The following PCDHA1 variants were observed in gnomAD, a reference collection of about 807,000 sequenced individuals.
PCDHA1 encodes the protein protocadherin alpha 1, also known as protocadherin alpha-1.
PCDHA1 carries 42 observed loss-of-function variants against 61.3 expected under a neutral mutation model. That is an observed-to-expected ratio of 0.69 (90% CI 0.54 to 0.89). The LOEUF is 0.89. PCDHA1 is among the 40% of genes least tolerant of loss of function. The pLI, the probability that PCDHA1 is intolerant of heterozygous loss-of-function variation, is 0.00. For synonymous variants in PCDHA1, 610 were observed against 553.8 expected, an observed-to-expected ratio of 1.10 and a Z score of -1.43; for missense variants, 1,256 against 1,235.3, an observed-to-expected ratio of 1.02 and a Z score of -0.25.
chr5:140,875,724 G>T, intron 1 of PCDHA1: 1 of 1,614,244 alleles, frequency 6.2e-7, no homozygotes, highest in Non-Finnish European at 8.5e-7. Flanking sequence ...ATGGCATTTT[G>T]TTTGTGAATT....
chr5:140,835,970 G>A, intron 1 of PCDHA1: 1 of 1,613,320 alleles, frequency 6.2e-7, no homozygotes, highest in Non-Finnish European at 8.5e-7. Flanking sequence ...AGGAGCTGGA[G>A]CTGTTGCAGT....
chr5:140,795,908 C>G, intron 1 of PCDHA1: 2 of 1,613,940 alleles, frequency 1.2e-6, no homozygotes, highest in Non-Finnish European at 1.7e-6. Flanking sequence ...GAAGCAAAGT[C>G]CTACGAGATT....
rs73266040 is a variant in PCDHA1 at position 140,926,675 on chromosome 5, C to G, written c.2395-52274C>G. 1.5e-3 allele frequency: 923 copies of G among 601,544 alleles called. 7 individuals carry two copies. The African/African-American group carries it at 0.016, about 11-fold the overall frequency. The allele number at this position is 601,544 out of a possible 1,614,324, so 37.3% of individuals were successfully genotyped here. ...TCCGCTTTCCCAGACGGCTGCCCAG[C>G]CTCCAGCCTAGCAAGCCCGGCTCCC... On this transcript the variant is annotated intron_variant, in intron 1 of 3. Coordinates refer to ENST00000504120, the MANE Select transcript of PCDHA1 (RefSeq NM_018900.4).
rs1335716065 is a variant in PCDHA1 at position 140,875,555 on chromosome 5, G to A, written c.2394+86871G>A. On this transcript the variant is annotated intron_variant, in intron 1 of 3. Coordinates refer to ENST00000504120, the MANE Select transcript of PCDHA1 (RefSeq NM_018900.4). ...CTCCTTGCAGCCTGGGAGGTGGGGA[G>A]CGGCCAGCTCCACTACTCCGTCTAC... is the stretch of plus-strand genomic sequence containing the variant. 5 of 1,614,018 alleles carry A rather than the reference G, an allele frequency of 3.1e-6. No individual in the cohort carries two copies. In the East Asian group the frequency reaches 6.7e-5, roughly 22 times the overall value.
intron 1 of PCDHA1, among the ~76,000 whole-genome samples, chr5:140,909,754 G>T (rs2074670000): frequency 6.6e-6 from 1 of 152,100 alleles, no homozygotes; most frequent in Non-Finnish European, 1.5e-5. Context: ...AATGACCACA[G>T]GATGAGTCCA....
rs2150326977 is a variant in PCDHA1, at chr5:140,841,986, T to C, written c.2394+53302T>C. ...GCCACAGATGGGGGCAAACCTGAGCTCACAGGCACTGTTCAGCTGCTGGTC... is the reference window on the plus strand; with the variant it reads ...GCCACAGATGGGGGCAAACCTGAGCCCACAGGCACTGTTCAGCTGCTGGTC... On this transcript the variant is annotated intron_variant, in intron 1 of 3. Transcript: ENST00000504120. 2 of 1,613,792 alleles carry C rather than the reference T, an allele frequency of 1.2e-6. 1 individual carries two copies. The highest frequency in any genetic ancestry group is 4.5e-5 in the East Asian group (2 of 44,836).
chr5:140,801,379 C>A lies in PCDHA1; in HGVS notation c.2394+12695C>A, dbSNP rs7731327. 9.9e-3 allele frequency: 16,021 copies of A among 1,613,474 alleles called. 1,346 individuals carry two copies. In the African/African-American group the frequency reaches 0.19, roughly 19 times the overall value. ...GGGCTGGAGCTGGCGGAGCTGGTGC[C>A]GCGCCTGTTCCGGGTGGCGTCCAAA... On this transcript the variant is annotated intron_variant, in intron 1 of 3. Transcript: ENST00000504120.
intron 3 of PCDHA1, 94 bp from the exon 4 acceptor site, chr5:141,009,533 G>C: frequency 1.3e-6 from 2 of 1,509,446 alleles, no homozygotes; most frequent in Non-Finnish European, 1.8e-6. Context: ...GGGAGGTTCA[G>C]CCTGCCTATG....
At chr5:140,956,949 A>G (rs1027198370) in intron 1 of PCDHA1, among the ~76,000 whole-genome samples, 5 of 140,514 alleles carry the variant, frequency 3.6e-5, no homozygotes, top group African/African-American at 1.3e-4. Flanking sequence ...TTTACATTAA[A>G]ACACTGTAAT....
At chr5:140,801,668 A>T in intron 1 of PCDHA1, 1 of 1,614,230 alleles carries the variant, frequency 6.2e-7, no homozygotes, top group Non-Finnish European at 8.5e-7. Flanking sequence ...TAGAGGGCGC[A>T]TCAGATGCAG....
chr5:140,997,668 TTGTGTGTG>T (rs35184029), intron 3 of PCDHA1, among the ~76,000 whole-genome samples: 1 of 148,244 alleles, frequency 6.7e-6, no homozygotes, highest in Non-Finnish European at 1.5e-5. Context: ...ATTATACAGC[TTGTGTGTG>T]TGTGTGTGTG....
intron 3 of PCDHA1, among the ~76,000 whole-genome samples, chr5:140,999,672 C>T (rs2153958475): frequency 6.6e-6 from 1 of 152,214 alleles, no homozygotes; most frequent in South Asian, 2.1e-4. Context: ...TTGCGGGGGG[C>T]TCACAGAAAG....
At chr5:140,913,414 C>T (rs1451385869) in intron 1 of PCDHA1, among the ~76,000 whole-genome samples, 3 of 152,102 alleles carry the variant, frequency 2.0e-5, no homozygotes, top group African/African-American at 7.2e-5. Context: ...TGAATTCCTG[C>T]AGTATCAGTT....
Position 140,888,304 on chromosome 5 carries a change from T to C in PCDHA1, c.2395-90645T>C, listed in dbSNP as rs560267265. Among the ~76,000 whole-genome samples the C allele has an allele frequency of 9.2e-5, 14 of 152,272 alleles. No homozygotes were observed. The South Asian group carries it at 2.7e-3, about 29-fold the overall frequency. On this transcript the variant is annotated intron_variant, in intron 1 of 3. Transcript: ENST00000504120. The stretch of plus-strand genomic sequence containing the variant: ...CCTCTACCCCCTACCCAGGAGATAA[T>C]TTGGCAATGCCTGGATACATTTTTG...
At chr5:140,987,444 C>G (rs2097254283) in intron 3 of PCDHA1, among the ~76,000 whole-genome samples, 1 of 151,998 alleles carries the variant, frequency 6.6e-6, no homozygotes, top group African/African-American at 2.4e-5. Flanking sequence ...TCCCCATGCC[C>G]GAGAGATAAT....
intron 1 of PCDHA1, chr5:140,809,922 T>G: frequency 5.8e-6 from 1 of 173,216 alleles, no homozygotes; most frequent in Non-Finnish European, 1.2e-5. Context: ...ATAATAAAGC[T>G]CCATAAATTG....
chr5:140,921,940 C>T (rs114983283), intron 1 of PCDHA1, among the ~76,000 whole-genome samples: 6,108 of 151,846 alleles, frequency 0.04, 136 homozygotes, highest in Non-Finnish European at 0.052. Context: ...TATAATTTTA[C>T]ACTTGTAAAA....
intron 1 of PCDHA1, among the ~76,000 whole-genome samples, chr5:140,965,734 AT>A (rs2095929489): frequency 6.6e-6 from 1 of 152,220 alleles, no homozygotes; most frequent in Non-Finnish European, 1.5e-5. Flanking sequence ...ATTTTACCAG[AT>A]TTTCCCCATT....
At chr5:140,824,610 G>GTTTTTTTTTTTTGT (rs1768201083) in intron 1 of PCDHA1, 1 of 95,104 alleles carries the variant, frequency 1.1e-5, no homozygotes, top group African/African-American at 4.9e-5. Context: ...GCTAATTAAA[G>GTTTTTTTTTTTTGT]TTTTTTTTTT....
Sources: allele counts gnomAD v4.1 joint callset (sites outside exome capture counted in the v4.1 genomes callset), GRCh38; gene constraint gnomAD v4.1.1; transcripts MANE v1.5; gene names NCBI Gene and HGNC (gene_info 2026-07-23, HGNC 2026-07-21).